The following DOCK10 variants were observed in gnomAD, a reference collection of about 807,000 sequenced individuals.
DOCK10 encodes the protein dedicator of cytokinesis 10, also known as dedicator of cytokinesis protein 10.
Under a neutral mutation model 280.1 loss-of-function variants are expected in DOCK10, and 145 were observed. The ratio of observed to expected loss-of-function variants is 0.52; its 90% CI spans 0.45 to 0.59. The LOEUF is 0.59. Among genes scored for constraint, DOCK10 ranks in the 20% least tolerant of loss-of-function variants. The pLI is 0.00. For missense variants in DOCK10, 2,368 were observed against 2,651.7 expected, an observed-to-expected ratio of 0.89 and a Z score of 2.35; for synonymous variants, 915 against 942.2, an observed-to-expected ratio of 0.97 and a Z score of 0.53.
At chr2:224,790,464 A>G (rs2125100074) in intron 47 of DOCK10, among the ~76,000 whole-genome samples, 1 of 152,310 alleles carries the variant, frequency 6.6e-6, no homozygotes, top group East Asian at 1.9e-4. Context: ...TCTATGTAGC[A>G]AGTGCTTTTT....
chr2:225,028,275 T>C (rs941348360), intron 1 of DOCK10, among the ~76,000 whole-genome samples: 2 of 152,086 alleles, frequency 1.3e-5, no homozygotes, highest in South Asian at 2.1e-4. Flanking sequence ...CCATCACCAC[T>C]GGCTTTGAAG....
At chr2:224,881,778 G>T (rs1387886873) in intron 7 of DOCK10, among the ~76,000 whole-genome samples, 1 of 152,168 alleles carries the variant, frequency 6.6e-6, no homozygotes, top group East Asian at 1.9e-4. Context: ...AGTTGCTAAT[G>T]CGAGGCTTAC....
chr2:225,016,111 C>T (rs940991190), intron 1 of DOCK10, among the ~76,000 whole-genome samples: 4 of 152,098 alleles, frequency 2.6e-5, no homozygotes, highest in African/African-American at 9.7e-5. Context: ...CTATTATGGC[C>T]ACTTCATCTA....
At chr2:224,937,651 C>A (rs944756260) in intron 1 of DOCK10, among the ~76,000 whole-genome samples, 1 of 152,076 alleles carries the variant, frequency 6.6e-6, no homozygotes, top group Non-Finnish European at 1.5e-5. Flanking sequence ...CTCTATCCCC[C>A]ATAGGAAAAA....
chr2:224,858,409 G>A (rs879274447), intron 14 of DOCK10, among the ~76,000 whole-genome samples: 4 of 151,830 alleles, frequency 2.6e-5, no homozygotes, highest in Non-Finnish European at 4.4e-5. Context: ...CTGTAATCCC[G>A]GCACTTTGGA....
At chr2:224,841,722 T>G (rs776439794) in intron 23 of DOCK10, 82 bp downstream of exon 23, 36 of 810,460 alleles carry the variant, frequency 4.4e-5, no homozygotes, top group Non-Finnish European at 6.7e-5. Context: ...TCTCCCAGTT[T>G]GCCCATCGGT....
intron 53 of DOCK10, among the ~76,000 whole-genome samples, chr2:224,772,184 G>A (rs183937594): frequency 1.2e-3 from 180 of 152,246 alleles, no homozygotes; most frequent in Non-Finnish European, 1.7e-3. Context: ...GCCTCCCAAA[G>A]TGTTGGGATT....
intron 3 of DOCK10, among the ~76,000 whole-genome samples, chr2:224,900,199 C>T (rs1417742484): frequency 6.6e-6 from 1 of 151,928 alleles, no homozygotes; most frequent in Non-Finnish European, 1.5e-5. Flanking sequence ...ACAGGTGTAG[C>T]CGAATCTAAG....
At chr2:224,834,687 C>G (rs958848070) in intron 25 of DOCK10, among the ~76,000 whole-genome samples, 1 of 152,142 alleles carries the variant, frequency 6.6e-6, no homozygotes, top group Admixed American at 6.5e-5. Context: ...GATGCCAGTA[C>G]GTGAGCTCCC....
chr2:224,921,691 T>C (rs1701760435), intron 2 of DOCK10, among the ~76,000 whole-genome samples: 1 of 152,228 alleles, frequency 6.6e-6, no homozygotes, highest in African/African-American at 2.4e-5. Context: ...GCATATCTAA[T>C]ATCCTGTGCA....
At chr2:224,892,159 G>A (rs1356169729) in intron 4 of DOCK10, among the ~76,000 whole-genome samples, 3 of 152,034 alleles carry the variant, frequency 2.0e-5, no homozygotes, top group Non-Finnish European at 4.4e-5. Flanking sequence ...CACTTTGGGA[G>A]GCCGAGGCTG....
intron 1 of DOCK10, among the ~76,000 whole-genome samples, chr2:225,021,766 A>G (rs1689789179): frequency 6.6e-6 from 1 of 152,250 alleles, no homozygotes; most frequent in South Asian, 2.1e-4. Context: ...TCTCCAAGAC[A>G]TAACAATTTG....
chr2:224,881,572 G>T (rs1698981055), intron 7 of DOCK10, among the ~76,000 whole-genome samples: 1 of 152,024 alleles, frequency 6.6e-6, no homozygotes, highest in African/African-American at 2.4e-5. Context: ...ACATTCCTCT[G>T]CCTCAAGTTA....
chr2:224,800,815 C>T (rs1224437331), intron 40 of DOCK10, among the ~76,000 whole-genome samples: 2 of 152,138 alleles, frequency 1.3e-5, no homozygotes, highest in East Asian at 1.9e-4. Flanking sequence ...ACCCTGAGAA[C>T]ATGTGCCCAA....
chr2:224,880,628 A>AAT (rs1399843371), intron 7 of DOCK10, among the ~76,000 whole-genome samples: 7 of 152,164 alleles, frequency 4.6e-5, no homozygotes, highest in African/African-American at 1.7e-4. Context: ...TGACTTCATA[A>AAT]ATAGTAGGAA....
rs766479348 is a variant in DOCK10 at position 224,787,387 on chromosome 2, A to G, written c.5429T>C (p.Val1810Ala). Residue 1810 changes from valine to alanine, a missense_variant, in exon 49 of 56, where the codon GTG (valine) becomes GCG (alanine). Val to Ala is a moderately conservative substitution (Grantham distance 64). This residue lies in a region of DOCK10 where 1,159 missense variants were observed against 1,400.8 expected (regional missense o/e 0.83). Transcript: ENST00000258390. ...CTCCACACACATGTATAGCTGCTCC[A>G]CCAGGATATTCTGCAATTCCCCCAA... is the stretch of plus-strand genomic sequence containing the variant. ...QDTPYNENIL[V>A]EQLYMCVEFL... The G allele has an allele frequency of 6.2e-7, 1 of 1,613,944 alleles. No individual in the cohort carries two copies. Among genetic ancestry groups the G allele is most frequent in the Non-Finnish European group, 8.5e-7 (1 of 1,179,862 alleles).
At chr2:225,014,466 T>A (rs1287145986) in intron 1 of DOCK10, among the ~76,000 whole-genome samples, 2 of 152,096 alleles carry the variant, frequency 1.3e-5, no homozygotes, top group Admixed American at 1.3e-4. Flanking sequence ...TACCCACTGC[T>A]TTGTATTGGA....
intron 1 of DOCK10, among the ~76,000 whole-genome samples, chr2:225,016,656 C>CATATATCTATGTGCACATAGATAG (rs1689612802): frequency 4.6e-5 from 3 of 64,726 alleles, no homozygotes; most frequent in African/African-American, 3.3e-4. Context: ...CACATAGATA[C>CATATATCTATGTGCACATAGATAG]ATAGATACAT....
At chr2:224,904,695 T>C (rs1700486770) in intron 3 of DOCK10, among the ~76,000 whole-genome samples, 1 of 152,202 alleles carries the variant, frequency 6.6e-6, no homozygotes, top group Non-Finnish European at 1.5e-5. Context: ...TTCTTATATA[T>C]GGGCAAGTGT....
Sources: allele counts gnomAD v4.1 joint callset (sites outside exome capture counted in the v4.1 genomes callset), GRCh38; gene constraint gnomAD v4.1.1; regional missense constraint gnomAD v4.1.1; transcripts MANE v1.5; gene names NCBI Gene and HGNC (gene_info 2026-07-23, HGNC 2026-07-21).